PDE3A: variants seen among roughly 807,000 people sequenced by gnomAD.
PDE3A encodes the protein phosphodiesterase 3A.
Under a neutral mutation model 98.3 loss-of-function variants are expected in PDE3A, and 43 were observed. The ratio of observed to expected loss-of-function variants is 0.44; its 90% confidence interval spans 0.34 to 0.56. The LOEUF (loss-of-function observed/expected upper bound fraction) is 0.56, where lower values mean the gene tolerates loss of function less well. PDE3A is among the 20% of genes least tolerant of loss of function. The pLI is 0.01. For missense variants in PDE3A, 1,427 were observed against 1,440.7 expected (o/e 0.99, Z 0.15); for synonymous variants, 663 against 567.9 (o/e 1.17, Z -2.38).
At chr12:20,556,746 T>G (rs1942379339) in intron 2 of PDE3A, 36 bp downstream of exon 2, 1 of 1,486,186 alleles carries the variant, frequency 6.7e-7, no homozygotes, top group Non-Finnish European at 9.4e-7. Context: ...CACGTTTCGT[T>G]TCGTAACACT....
chr12:20,432,143 AC>A (rs1309564303), intron 1 of PDE3A, among the ~76,000 whole-genome samples: 2 of 152,214 alleles, frequency 1.3e-5, no homozygotes, highest in Non-Finnish European at 2.9e-5. Flanking sequence ...TTAAAGTCAC[AC>A]AGAAGTGGCA....
At chr12:20,630,225 G>C in intron 6 of PDE3A, 98 bp downstream of exon 6, 1 of 819,984 alleles carries the variant, frequency 1.2e-6, no homozygotes, top group Non-Finnish European at 2.1e-6. Flanking sequence ...GGGTAGGTTT[G>C]CCAAAGTATT....
intron 2 of PDE3A, among the ~76,000 whole-genome samples, chr12:20,582,674 A>G (rs928759776): frequency 1.1e-4 from 17 of 152,230 alleles, no homozygotes; most frequent in Non-Finnish European, 1.8e-4. Flanking sequence ...AGATATTGAT[A>G]TTTATAGGAA....
At chr12:20,581,185 C>A (rs1469639772) in intron 2 of PDE3A, among the ~76,000 whole-genome samples, 1 of 152,044 alleles carries the variant, frequency 6.6e-6, no homozygotes, top group East Asian at 1.9e-4. Context: ...AAAGGCAAAC[C>A]AGAAATGGTT....
chr12:20,674,822 G>C (rs990653672), intron 15 of PDE3A, among the ~76,000 whole-genome samples: 1 of 151,346 alleles, frequency 6.6e-6, no homozygotes, highest in African/African-American at 2.4e-5. Context: ...TTTATTTTTG[G>C]AGGTCTTCTC....
intron 1 of PDE3A, among the ~76,000 whole-genome samples, chr12:20,540,110 C>G (rs1215357233): frequency 6.6e-6 from 1 of 152,096 alleles, no homozygotes; most frequent in Non-Finnish European, 1.5e-5. Context: ...AAGAAGATAT[C>G]TGCCAATTTA....
intron 1 of PDE3A, among the ~76,000 whole-genome samples, chr12:20,392,174 TGTGCCTTTG>T (rs1463880299): frequency 1.3e-5 from 2 of 152,030 alleles, no homozygotes; most frequent in African/African-American, 4.8e-5. Flanking sequence ...TCATCTGTCC[TGTGCCTTTG>T]GTACTTTAGA....
chr12:20,669,155 A>C (rs947343627), intron 15 of PDE3A, among the ~76,000 whole-genome samples: 1 of 152,110 alleles, frequency 6.6e-6, no homozygotes, highest in African/African-American at 2.4e-5. Flanking sequence ...GAGAAAAAAG[A>C]ATAAAAAGAA....
chr12:20,646,527 T>C lies in PDE3A; in HGVS notation c.2289T>C (p.Ala763=), dbSNP rs778789881. ...TCCATGCCACTGATGTTTTACATGCTGTTTGGTATCTTACTACACAGCCTA... is the reference window on the plus strand; with the variant it reads ...TCCATGCCACTGATGTTTTACATGCCGTTTGGTATCTTACTACACAGCCTA... ...NRIHATDVLH[A]VWYLTTQPIP... is the part of the protein sequence containing the mutation. Residue 763 remains alanine (A), a synonymous_variant, in exon 11 of 16, where the codon GCT becomes GCC. Transcript: ENST00000359062. The C allele has an allele frequency of 1.7e-5, 27 of 1,607,564 alleles. No individual in the cohort carries two copies. The East Asian group carries it at 5.1e-4, about 31-fold the overall frequency.
intron 5 of PDE3A, among the ~76,000 whole-genome samples, chr12:20,625,831 A>G (rs957420169): frequency 6.6e-6 from 1 of 152,120 alleles, no homozygotes; most frequent in South Asian, 2.1e-4. Context: ...TTAAAATTAT[A>G]TTTTTAATTT....
chr12:20,552,949 G>A lies in PDE3A; in HGVS notation c.961-3711G>A. ...CCTGGGCCGCAGCTATGCCATGCAG[G>A]TGAACCAGCCTCTGCAGACCGTCCT... On this transcript the variant is annotated intron_variant, in intron 1 of 15. Transcript: ENST00000359062. The surrounding 1 kb of genome is among the most constrained non-coding windows in gnomAD (Gnocchi z 5.1). 3 of 1,571,940 alleles carry A rather than the reference G, an allele frequency of 1.9e-6. No individual in the cohort carries two copies. Among genetic ancestry groups the A allele is most frequent in the Non-Finnish European group, 2.6e-6 (3 of 1,159,168 alleles).
At chr12:20,632,105 G>A (rs1314173868) in intron 6 of PDE3A, among the ~76,000 whole-genome samples, 2 of 152,100 alleles carry the variant, frequency 1.3e-5, no homozygotes, top group African/African-American at 4.8e-5. Flanking sequence ...AAAGTTTAAG[G>A]CTAATAAACT....
At chr12:20,495,615 T>G (rs375357942) in intron 1 of PDE3A, among the ~76,000 whole-genome samples, 1 of 152,200 alleles carries the variant, frequency 6.6e-6, no homozygotes, top group Non-Finnish European at 1.5e-5. Flanking sequence ...TTCTCTCTTG[T>G]TAGACATTTT....
chr12:20,475,307 C>T (rs547920441), intron 1 of PDE3A, among the ~76,000 whole-genome samples: 6 of 151,938 alleles, frequency 3.9e-5, no homozygotes, highest in East Asian at 1.9e-4. Context: ...CTACTGCCTT[C>T]GGTTAGCTCA....
At chr12:20,661,435 G>A (rs1945167985) in intron 15 of PDE3A, among the ~76,000 whole-genome samples, 2 of 152,208 alleles carry the variant, frequency 1.3e-5, no homozygotes, top group African/African-American at 2.4e-5. Flanking sequence ...TAATCCCCAA[G>A]ACAATGGGGA....
At chr12:20,670,925 G>A (rs1361466343) in intron 15 of PDE3A, among the ~76,000 whole-genome samples, 1 of 129,338 alleles carries the variant, frequency 7.7e-6, no homozygotes, top group Non-Finnish European at 1.6e-5. Context: ...TTTTTTGAAA[G>A]GATCAACAAA....
At chr12:20,608,801 A>G (rs1458289455) in intron 2 of PDE3A, among the ~76,000 whole-genome samples, 1 of 152,004 alleles carries the variant, frequency 6.6e-6, no homozygotes, top group Admixed American at 6.6e-5. Flanking sequence ...TCAGATTTGT[A>G]GATTTTGTAT....
At chr12:20,664,880 C>T (rs1945269528) in intron 15 of PDE3A, among the ~76,000 whole-genome samples, 1 of 152,140 alleles carries the variant, frequency 6.6e-6, no homozygotes, top group African/African-American at 2.4e-5. Flanking sequence ...CCAACCTTCC[C>T]TTTCTCAGTA....
intron 1 of PDE3A, among the ~76,000 whole-genome samples, chr12:20,438,864 A>G (rs929685208): frequency 2.0e-5 from 3 of 151,468 alleles, no homozygotes; most frequent in African/African-American, 7.3e-5. Context: ...GGTTCAAGCG[A>G]TTCTCCTGCC....
Sources: allele counts gnomAD v4.1 joint callset (sites outside exome capture counted in the v4.1 genomes callset), GRCh38; gene constraint gnomAD v4.1.1; non-coding constraint Gnocchi (gnomAD v3.1); transcripts MANE v1.5; gene names NCBI Gene and HGNC (gene_info 2026-07-23, HGNC 2026-07-21).